The following SGCD variants were observed in gnomAD, a reference collection of about 807,000 sequenced individuals.
SGCD encodes delta-sarcoglycan.
A neutral mutation model predicts 36.6 loss-of-function variants in SGCD; 18 were observed. The ratio of observed to expected loss-of-function variants is 0.49; its 90% CI spans 0.34 to 0.73. The LOEUF (loss-of-function observed/expected upper bound fraction) is 0.73, where lower values mean the gene tolerates loss of function less well. Ranked by LOEUF, SGCD falls within the 30% of genes least tolerant of loss-of-function variation. The probability of loss-of-function intolerance (pLI) is 0.01; values close to 1 mark genes in which losing one functional copy is unlikely to be tolerated. For missense variants in SGCD, 387 were observed against 346.7 expected (o/e 1.12, Z -0.92); for synonymous variants, 133 against 130.6 (o/e 1.02, Z -0.12).
chr5:155,976,034 A>G (rs534912917), intron 1 of SGCD, among the ~76,000 whole-genome samples: 1 of 152,290 alleles, frequency 6.6e-6, no homozygotes, highest in South Asian at 2.1e-4. Context: ...TAGTCACAGT[A>G]TGATACTATT....
At chr5:156,486,267 A>G (rs1233141611) in intron 3 of SGCD, among the ~76,000 whole-genome samples, 2 of 152,014 alleles carry the variant, frequency 1.3e-5, no homozygotes, top group Non-Finnish European at 2.9e-5. Context: ...TCTATCACAC[A>G]TGATGTCCCT....
the SGCD span, among the ~76,000 whole-genome samples, chr5:155,836,325 G>T: frequency 6.6e-6 from 1 of 152,274 alleles, no homozygotes; most frequent in East Asian, 1.9e-4. Context: ...TGGCCATACT[G>T]ATTATGCCAC....
the SGCD span, among the ~76,000 whole-genome samples, chr5:155,761,734 C>A: frequency 6.7e-6 from 1 of 150,152 alleles, no homozygotes; most frequent in Non-Finnish European, 1.5e-5. Context: ...TCACCATTGC[C>A]CTTTCCATCA....
intron 3 of SGCD, among the ~76,000 whole-genome samples, chr5:156,497,170 ACTCTCTCTCTCTCTCTCT>A (rs10559912): frequency 0.33 from 48,005 of 145,304 alleles, 7,818 homozygotes; most frequent in African/African-American, 0.4. Flanking sequence ...ACTCTCCTGC[ACTCTCTCTCTCTCTCTCT>A]CTCTCTCTCT....
At chr5:156,419,070 A>G (rs997897085) in intron 3 of SGCD, among the ~76,000 whole-genome samples, 2 of 152,134 alleles carry the variant, frequency 1.3e-5, no homozygotes, top group Non-Finnish European at 2.9e-5. Context: ...GAAGTATCTC[A>G]AGGCAGGCTT....
the SGCD span, among the ~76,000 whole-genome samples, chr5:155,787,431 G>A: frequency 6.6e-6 from 1 of 152,076 alleles, no homozygotes; most frequent in African/African-American, 2.4e-5. Flanking sequence ...TCACTTTTAT[G>A]TTCCCTTTCC....
chr5:156,665,158 G>A (rs1013463123), intron 7 of SGCD, among the ~76,000 whole-genome samples: 5 of 152,176 alleles, frequency 3.3e-5, no homozygotes, highest in African/African-American at 4.8e-5. Context: ...GGCTACTGGC[G>A]GTTGGGTCTT....
At chr5:155,798,029 G>A in the SGCD span, among the ~76,000 whole-genome samples, 1 of 152,146 alleles carries the variant, frequency 6.6e-6, no homozygotes, top group African/African-American at 2.4e-5. Flanking sequence ...GGGAAAACAG[G>A]TAGGCACCCA....
chr5:155,931,915 T>C (rs967794074), intron 1 of SGCD, among the ~76,000 whole-genome samples: 1 of 152,214 alleles, frequency 6.6e-6, no homozygotes, highest in South Asian at 2.1e-4. Flanking sequence ...CAGTGTCTGA[T>C]CAGGTTCCAC....
At chr5:156,192,468 G>A (rs972355672) in intron 3 of SGCD, among the ~76,000 whole-genome samples, 6 of 152,116 alleles carry the variant, frequency 3.9e-5, no homozygotes, top group Non-Finnish European at 7.4e-5. Context: ...CAAAGGCTGG[G>A]AAGTGTATGG....
chr5:155,942,125 A>G (rs2113412079), intron 1 of SGCD, among the ~76,000 whole-genome samples: 1 of 152,308 alleles, frequency 6.6e-6, no homozygotes, highest in East Asian at 1.9e-4. Context: ...TTATATATGT[A>G]ATATAGTATT....
intron 3 of SGCD, among the ~76,000 whole-genome samples, chr5:156,161,712 G>A (rs563331429): frequency 6.6e-6 from 1 of 151,890 alleles, no homozygotes; most frequent in African/African-American, 2.4e-5. Context: ...TTATATGTTT[G>A]CAGTGTAGAC....
chr5:156,698,840 TACACACACAC>T (rs150929203), intron 7 of SGCD, among the ~76,000 whole-genome samples: 206 of 140,088 alleles, frequency 1.5e-3, no homozygotes, highest in African/African-American at 2.0e-3. Flanking sequence ...TAAATTAAAA[TACACACACAC>T]ACACACACAC....
intron 1 of SGCD, among the ~76,000 whole-genome samples, chr5:156,104,307 G>C (rs1761591404): frequency 6.6e-6 from 1 of 152,096 alleles, no homozygotes; most frequent in African/African-American, 2.4e-5. Context: ...ATTTGCATTT[G>C]CATAATATTT....
At chr5:156,357,624 T>C (rs140422927) in intron 3 of SGCD, among the ~76,000 whole-genome samples, 18 of 152,330 alleles carry the variant, frequency 1.2e-4, no homozygotes, top group African/African-American at 3.8e-4. Context: ...AGAAGAATCA[T>C]AATTTTGTTG....
At chr5:155,735,914 A>G in the SGCD span, among the ~76,000 whole-genome samples, 4 of 152,148 alleles carry the variant, frequency 2.6e-5, no homozygotes, top group African/African-American at 2.4e-5. Context: ...CAAGAATTAG[A>G]GATGTATGGA....
chr5:156,442,392 T>C (rs778428906), intron 3 of SGCD, among the ~76,000 whole-genome samples: 26 of 152,322 alleles, frequency 1.7e-4, no homozygotes, highest in Non-Finnish European at 2.8e-4. Flanking sequence ...TCTGGACCTT[T>C]TGTAAGTCCC....
intron 3 of SGCD, among the ~76,000 whole-genome samples, chr5:156,145,115 G>T (rs1416162441): frequency 6.6e-6 from 1 of 152,160 alleles, no homozygotes; most frequent in Non-Finnish European, 1.5e-5. Flanking sequence ...CTGATGGGAG[G>T]TGATTGAGTC....
intron 1 of SGCD, among the ~76,000 whole-genome samples, chr5:155,912,664 A>G (rs962421419): frequency 6.6e-6 from 1 of 152,038 alleles, no homozygotes; most frequent in African/African-American, 2.4e-5. Context: ...CATGGCTTTC[A>G]TTTTATTTAC....
Sources: gnomAD v4.1 joint callset for allele counts (sites outside exome capture counted in the v4.1 genomes callset) on GRCh38, gnomAD v4.1.1 for gene constraint, MANE v1.5 for transcripts, NCBI Gene and HGNC (gene_info 2026-07-23, HGNC 2026-07-21) for gene names.